SH3RF3: variants seen among roughly 807,000 people sequenced by gnomAD.
The protein encoded by SH3RF3 is SH3 domain containing ring finger 3.
A neutral mutation model predicts 66.3 loss-of-function variants in SH3RF3; 29 were observed. The ratio of observed to expected loss-of-function variants is 0.44; its 90% confidence interval spans 0.33 to 0.60. The LOEUF (loss-of-function observed/expected upper bound fraction) is 0.60. SH3RF3 is among the 20% of genes least tolerant of loss of function. The probability of loss-of-function intolerance (pLI) is 0.04; values close to 1 mark genes in which losing one functional copy is unlikely to be tolerated. For missense variants in SH3RF3, 1,194 were observed against 1,190.9 expected (o/e 1.00, Z -0.04); for synonymous variants, 583 against 532.0 (o/e 1.10, Z -1.32).
chr2:109,342,703 C>A (rs1682583135), intron 1 of SH3RF3, among the ~76,000 whole-genome samples: 1 of 152,190 alleles, frequency 6.6e-6, no homozygotes, highest in Non-Finnish European at 1.5e-5. Context: ...GTGTCAGGAG[C>A]ACATTCATTA....
chr2:109,195,775 G>C (rs1398184201), intron 1 of SH3RF3, among the ~76,000 whole-genome samples: 1 of 152,150 alleles, frequency 6.6e-6, no homozygotes, highest in Non-Finnish European at 1.5e-5. Flanking sequence ...GACTTCCTGT[G>C]GGTAATTGGG....
At chr2:109,401,482 A>T (rs1410791773) in intron 4 of SH3RF3, among the ~76,000 whole-genome samples, 1 of 145,808 alleles carries the variant, frequency 6.9e-6, no homozygotes, top group African/African-American at 2.4e-5. Flanking sequence ...CCAGCCAGAG[A>T]TGGCCCTGGA....
At chr2:109,363,164 T>C (rs1683085963) in intron 2 of SH3RF3, among the ~76,000 whole-genome samples, 2 of 152,120 alleles carry the variant, frequency 1.3e-5, no homozygotes, top group South Asian at 2.1e-4. Flanking sequence ...TTTCGGTCTT[T>C]TGTGGTTTTT....
chr2:109,421,338 G>A (rs114803298), intron 5 of SH3RF3, among the ~76,000 whole-genome samples: 3,049 of 152,334 alleles, frequency 0.02, 122 homozygotes, highest in African/African-American at 0.07. Context: ...CAGGCTCTCA[G>A]TAGCTGCCAC....
rs1048194642 is a variant in SH3RF3, at chr2:109,180,983, T to C, written c.573+50870T>C. ...TTACCCTGATGCAAGCTTCCTCAGA[T>C]TGATAACATTCCAATCCTACTTACC... On this transcript the variant is annotated intron_variant, in intron 1 of 9. Coordinates refer to ENST00000309415, the MANE Select transcript of SH3RF3 (RefSeq NM_001099289.3). Among the ~76,000 whole-genome samples the C allele has an allele frequency of 4.6e-5, 7 of 152,188 alleles. No homozygotes were observed. In the East Asian group the frequency reaches 1.3e-3, roughly 29 times the overall value.
chr2:109,335,108 G>T (rs527870613), intron 1 of SH3RF3, among the ~76,000 whole-genome samples: 1 of 152,190 alleles, frequency 6.6e-6, no homozygotes, highest in East Asian at 1.9e-4. Context: ...CTTCAAAACC[G>T]AACATTTCGT....
chr2:109,386,273 A>G (rs1392020345), intron 3 of SH3RF3, among the ~76,000 whole-genome samples: 8 of 152,166 alleles, frequency 5.3e-5, no homozygotes, highest in Non-Finnish European at 1.0e-4. Flanking sequence ...GGATCTCCCT[A>G]TCCGTTAGAG....
chr2:109,456,678 T>C (rs1370697040), intron 8 of SH3RF3, among the ~76,000 whole-genome samples: 1 of 152,218 alleles, frequency 6.6e-6, no homozygotes, highest in African/African-American at 2.4e-5. Flanking sequence ...ATGAGACTTC[T>C]GGATCTCAGC....
intron 4 of SH3RF3, among the ~76,000 whole-genome samples, chr2:109,411,205 G>A (rs540207180): frequency 2.3e-4 from 35 of 152,326 alleles, no homozygotes; most frequent in South Asian, 2.1e-3. Flanking sequence ...GGCGCCATTG[G>A]TTGGGGGCTG....
At chr2:109,352,496 T>G (rs1344149797) in intron 2 of SH3RF3, among the ~76,000 whole-genome samples, 3 of 152,228 alleles carry the variant, frequency 2.0e-5, no homozygotes, top group Non-Finnish European at 4.4e-5. Flanking sequence ...GTGTCGTCTC[T>G]GCTTCTTCCT....
rs373975818 is a variant in SH3RF3 at position 109,419,555 on chromosome 2, C to T, written c.1316C>T (p.Ala439Val). Residue 439 changes from alanine to valine, a missense_variant, in exon 5 of 10, where the codon GCG (alanine) becomes GTG (valine). By Grantham distance (64) the Ala-to-Val change is moderately conservative (BLOSUM62 0). Coordinates refer to ENST00000309415, the MANE Select transcript of SH3RF3 (RefSeq NM_001099289.3). Reference protein sequence around the residue: ...AAPTQDVSSSAGSTPTAVPRA... With the variant: ...AAPTQDVSSSVGSTPTAVPRA... ...TGTTTCCAGGATGTCTCCTCCTCGG[C>T]GGGATCTACCCCCACGGCTGTCCCA... The T allele has an allele frequency of 6.3e-6, 10 of 1,597,366 alleles. No homozygotes were observed. In the East Asian group the frequency reaches 9.1e-5, roughly 14 times the overall value.
chr2:109,428,364 TAAGG>T (rs1448569808), intron 5 of SH3RF3, among the ~76,000 whole-genome samples: 1 of 152,214 alleles, frequency 6.6e-6, no homozygotes, highest in Non-Finnish European at 1.5e-5. Flanking sequence ...GCTATAGAAA[TAAGG>T]AAGTAGTATG....
intron 1 of SH3RF3, among the ~76,000 whole-genome samples, chr2:109,201,161 C>T (rs1441747672): frequency 2.0e-5 from 3 of 152,222 alleles, no homozygotes; most frequent in African/African-American, 4.8e-5. Flanking sequence ...GTCTTCCTTC[C>T]GGCGGCCTCT....
intron 1 of SH3RF3, among the ~76,000 whole-genome samples, chr2:109,345,782 A>C (rs1191790623): frequency 6.6e-6 from 1 of 152,184 alleles, no homozygotes; most frequent in African/African-American, 2.4e-5. Flanking sequence ...AATTTAACCA[A>C]ACAGGCTGGG....
intron 1 of SH3RF3, among the ~76,000 whole-genome samples, chr2:109,338,194 G>T (rs2105515949): frequency 6.6e-6 from 1 of 152,312 alleles, no homozygotes; most frequent in East Asian, 1.9e-4. Context: ...GGCACTGTTA[G>T]GAGTAACTCA....
At chr2:109,227,632 A>T (rs866391139) in intron 1 of SH3RF3, among the ~76,000 whole-genome samples, 1 of 152,146 alleles carries the variant, frequency 6.6e-6, no homozygotes, top group African/African-American at 2.4e-5. Context: ...TGGCCTGGCC[A>T]TGCCCACTGG....
At chr2:109,411,017 A>G (rs1676573825) in intron 4 of SH3RF3, among the ~76,000 whole-genome samples, 1 of 152,214 alleles carries the variant, frequency 6.6e-6, no homozygotes, top group South Asian at 2.1e-4. Flanking sequence ...GCCTAGAATC[A>G]TTTAAAATTA....
chr2:109,430,647 A>AG (rs1677182637), intron 5 of SH3RF3, among the ~76,000 whole-genome samples: 1 of 151,830 alleles, frequency 6.6e-6, no homozygotes, highest in African/African-American at 2.4e-5. Flanking sequence ...TGTCATTTTC[A>AG]CTGGACTTTT....
intron 1 of SH3RF3, among the ~76,000 whole-genome samples, chr2:109,205,158 G>A (rs1398615538): frequency 1.3e-5 from 2 of 152,000 alleles, no homozygotes; most frequent in South Asian, 2.1e-4. Flanking sequence ...AATGAGCCAT[G>A]TTTATGCCGC....
Sources: gnomAD v4.1 joint callset for allele counts (sites outside exome capture counted in the v4.1 genomes callset) on GRCh38, gnomAD v4.1.1 for gene constraint, MANE v1.5 for transcripts, NCBI Gene and HGNC (gene_info 2026-07-23, HGNC 2026-07-21) for gene names.